Variants in PON2 observed in about 807,000 individuals in gnomAD.
PON2 encodes serum paraoxonase/arylesterase 2.
A neutral mutation model predicts 36.6 loss-of-function variants in PON2; 27 were observed. The ratio of observed to expected loss-of-function variants is 0.74; its 90% CI spans 0.54 to 1.02. PON2 has a LOEUF of 1.02. Among genes scored for constraint, PON2 ranks in the 50% least tolerant of loss-of-function variants. PON2 has a pLI of 0.00. For synonymous variants in PON2, 149 were observed against 156.3 expected (o/e 0.95, Z 0.35); for missense variants, 363 against 421.1 (o/e 0.86, Z 1.21).
chr7:95,405,282 T>C lies in PON2; in HGVS notation c.*48A>G, dbSNP rs776315576. On this transcript the variant is annotated 3_prime_UTR_variant, in exon 9 of 9. Coordinates refer to ENST00000222572, the MANE Select transcript of PON2 (RefSeq NM_000305.3). ...AAATTCCCTCAGAATTAGCAATTCATAGAAAATTAATTGTTAAGTTATCGC... is the reference window on the plus strand; with the variant it reads ...AAATTCCCTCAGAATTAGCAATTCACAGAAAATTAATTGTTAAGTTATCGC... 6.3e-7 allele frequency: 1 copy of C among 1,585,518 alleles called. No individual in the cohort carries two copies. Among genetic ancestry groups the C allele is most frequent in the Non-Finnish European group, 8.7e-7 (1 of 1,155,154 alleles).
rs1279221005 is a variant in PON2, at chr7:95,405,283, A to G, written c.*47T>C. ...AATTCCCTCAGAATTAGCAATTCAT[A>G]GAAAATTAATTGTTAAGTTATCGCA... is the stretch of plus-strand genomic sequence containing the variant. On this transcript the variant is annotated 3_prime_UTR_variant, in exon 9 of 9. Coordinates refer to ENST00000222572, the MANE Select transcript of PON2 (RefSeq NM_000305.3). 5.1e-6 allele frequency: 8 copies of G among 1,582,182 alleles called. No individual in the cohort carries two copies. The highest frequency in any genetic ancestry group is 1.7e-5 in the Admixed American group (1 of 59,790).
At chr7:95,410,246 A>G (rs1327913415) in intron 5 of PON2, 145 bp from the exon 6 acceptor site, 2 of 685,352 alleles carry the variant, frequency 2.9e-6, no homozygotes, top group Non-Finnish European at 5.1e-6. Context: ...GACTATAGTC[A>G]TATACAATAT....
At chr7:95,411,247 A>C (rs938326006) in intron 5 of PON2, among the ~76,000 whole-genome samples, 2 of 152,156 alleles carry the variant, frequency 1.3e-5, no homozygotes, top group African/African-American at 2.4e-5. Context: ...AAAGCATACA[A>C]ACCCAATAAA....
intron 1 of PON2, among the ~76,000 whole-genome samples, chr7:95,431,346 C>G (rs759678785): frequency 2.0e-5 from 3 of 151,996 alleles, no homozygotes; most frequent in Admixed American, 6.6e-5. Flanking sequence ...CAGATTAAAG[C>G]AAAAATCAAA....
chr7:95,434,164 C>G (rs1280253078), intron 1 of PON2: 1 of 152,180 alleles, frequency 6.6e-6, no homozygotes, highest in Non-Finnish European at 1.5e-5. Context: ...AGGGAACAGC[C>G]TGGGCAATAC....
intron 3 of PON2, among the ~76,000 whole-genome samples, chr7:95,414,841 CT>C (rs1789023859): frequency 6.6e-6 from 1 of 152,192 alleles, no homozygotes; most frequent in Middle Eastern, 3.2e-3. Flanking sequence ...TAAAACATTC[CT>C]TTTAAAACCT....
intron 2 of PON2, among the ~76,000 whole-genome samples, chr7:95,423,321 C>CAAAAAA (rs35269697): frequency 1.4e-5 from 1 of 71,140 alleles, no homozygotes; most frequent in Admixed American, 1.6e-4. Flanking sequence ...GGCCACCTCT[C>CAAAAAA]AAAAAAAAAA....
At chr7:95,421,851 G>A (rs531378663) in intron 2 of PON2, among the ~76,000 whole-genome samples, 2 of 152,320 alleles carry the variant, frequency 1.3e-5, no homozygotes, top group South Asian at 2.1e-4. Context: ...TATTTGTAGA[G>A]AAACTCTGAA....
intron 4 of PON2, 45 bp from the exon 5 acceptor site, chr7:95,411,824 G>A (rs369705397): frequency 2.0e-5 from 32 of 1,602,762 alleles, no homozygotes; most frequent in Non-Finnish European, 2.6e-5. Flanking sequence ...ACATAACTAC[G>A]GGACCTCTGG....
intron 4 of PON2, 69 bp from the exon 5 acceptor site, chr7:95,411,848 TTTAA>T (rs1254279535): frequency 6.6e-7 from 1 of 1,519,952 alleles, no homozygotes; most frequent in East Asian, 2.3e-5. Flanking sequence ...GGCACTGACA[TTTAA>T]ATACCACAGG....
Position 95,405,526 on chromosome 7 carries a change from G to A in PON2, c.907-38C>T, listed in dbSNP as rs369139339. On this transcript the variant is annotated intron_variant, in intron 8 of 8. Transcript: ENST00000222572. ...TACAAAGTATGAATATAAGACCACC[G>A]TACATGCATGTCACTCAATCATCAA... is the stretch of plus-strand genomic sequence containing the variant. 3.5e-5 allele frequency: 55 copies of A among 1,563,904 alleles called. 1 individual carries two copies. Among genetic ancestry groups the A allele is most frequent in the South Asian group, 8.9e-5 (8 of 89,874 alleles).
At chr7:95,421,234 T>A (rs901376728) in intron 2 of PON2, among the ~76,000 whole-genome samples, 4 of 152,140 alleles carry the variant, frequency 2.6e-5, no homozygotes, top group African/African-American at 9.7e-5. Flanking sequence ...GCTGGGCTTG[T>A]TTTTCTCTGA....
At position 95,424,561 on chromosome 7, in the gene PON2, T is replaced by C. The variant is rs1303904990; in HGVS notation, c.99A>G (p.Glu33=). ...AGTGTGGAAGGTCTACAGATTCTAC[T>C]TCTCTGGAGGCTTTAAGTCGATTTC... is the stretch of plus-strand genomic sequence containing the variant. ...ALRNRLKASR[E]VESVDLPHCH... The change falls in exon 2 of 9, where the codon GAA becomes GAG. Residue 33 remains glutamate, a synonymous_variant. Transcript: ENST00000222572. The C allele has an allele frequency of 1.2e-6, 2 of 1,613,274 alleles. No individual in the cohort carries two copies. The highest frequency in any genetic ancestry group is 2.2e-5 in the East Asian group (1 of 44,850).
At chr7:95,431,935 T>C (rs927195781) in intron 1 of PON2, among the ~76,000 whole-genome samples, 11 of 149,038 alleles carry the variant, frequency 7.4e-5, no homozygotes, top group African/African-American at 2.7e-4. Context: ...AAAAAATCCA[T>C]GTGAAATTCA....
chr7:95,409,061 C>T (rs959201923), intron 6 of PON2, among the ~76,000 whole-genome samples: 7 of 151,990 alleles, frequency 4.6e-5, no homozygotes, highest in African/African-American at 1.4e-4. Context: ...GCCTGTAATC[C>T]CAGCACTTCG....
intron 1 of PON2, among the ~76,000 whole-genome samples, chr7:95,430,677 T>C (rs1789419206): frequency 6.6e-6 from 1 of 151,986 alleles, no homozygotes; most frequent in South Asian, 2.1e-4. Flanking sequence ...GGAGGATTGC[T>C]TGAGCCCAGG....
intron 1 of PON2, among the ~76,000 whole-genome samples, chr7:95,425,028 T>C (rs11981433): frequency 0.34 from 51,123 of 151,940 alleles, 9,486 homozygotes; most frequent in Middle Eastern, 0.46. Context: ...CAAGAGAAAA[T>C]GGCATTGCTC....
At chr7:95,419,719 A>C (rs2116484647) in intron 2 of PON2, among the ~76,000 whole-genome samples, 1 of 152,112 alleles carries the variant, frequency 6.6e-6, no homozygotes, top group Admixed American at 6.5e-5. Flanking sequence ...AATCTACATA[A>C]ATTTTCTTTC....
intron 8 of PON2, among the ~76,000 whole-genome samples, chr7:95,405,719 T>C (rs1447288865): frequency 6.6e-6 from 1 of 152,230 alleles, no homozygotes; most frequent in Non-Finnish European, 1.5e-5. Flanking sequence ...TTAGTGTTAT[T>C]ATAGCAATTC....
Sources: gnomAD v4.1 joint callset for allele counts (sites outside exome capture counted in the v4.1 genomes callset) on GRCh38, gnomAD v4.1.1 for gene constraint, MANE v1.5 for transcripts, NCBI Gene and HGNC (gene_info 2026-07-23, HGNC 2026-07-21) for gene names.